ARL15: variants seen among roughly 807,000 people sequenced by gnomAD.
The protein encoded by ARL15 is ADP-ribosylation factor-like protein 15.
Under a neutral mutation model 25.2 loss-of-function variants are expected in ARL15, and 19 were observed. That is an observed-to-expected ratio of 0.75 (90% CI 0.53 to 1.10). The LOEUF (loss-of-function observed/expected upper bound fraction) is 1.10, where lower values mean the gene tolerates loss of function less well. ARL15 is among the 50% of genes least tolerant of loss of function. The pLI, the probability that ARL15 is intolerant of heterozygous loss-of-function variation, is 0.00. For missense variants in ARL15, 220 were observed against 246.0 expected (o/e 0.89, Z 0.71); for synonymous variants, 94 against 86.8 (o/e 1.08, Z -0.46).
At chr5:54,099,703 C>T (rs1024952910) in intron 4 of ARL15, among the ~76,000 whole-genome samples, 1 of 152,060 alleles carries the variant, frequency 6.6e-6, no homozygotes, top group African/African-American at 2.4e-5. Context: ...CTCAAAACAA[C>T]CCTGTCAGGA....
At chr5:53,969,115 C>T (rs1747657920) in intron 4 of ARL15, among the ~76,000 whole-genome samples, 1 of 152,098 alleles carries the variant, frequency 6.6e-6, no homozygotes, top group Admixed American at 6.5e-5. Flanking sequence ...CGCGCCACTA[C>T]ACTCCAACCT....
At chr5:54,060,184 C>T (rs1434233827) in intron 4 of ARL15, among the ~76,000 whole-genome samples, 1 of 149,250 alleles carries the variant, frequency 6.7e-6, no homozygotes, top group Non-Finnish European at 1.5e-5. Context: ...CCTGTAATCC[C>T]AGCACTTTGG....
At chr5:53,889,035 C>G (rs1744632463) in intron 4 of ARL15, among the ~76,000 whole-genome samples, 2 of 152,000 alleles carry the variant, frequency 1.3e-5, no homozygotes, top group Admixed American at 1.3e-4. Flanking sequence ...GAAGTTGTGT[C>G]CCTGATACAT....
intron 3 of ARL15, among the ~76,000 whole-genome samples, chr5:54,145,672 T>C (rs1349677811): frequency 1.4e-4 from 22 of 152,056 alleles, no homozygotes; most frequent in Admixed American, 1.4e-3. Context: ...ATGGCAGGGA[T>C]TGCATCCTCA....
chr5:54,156,249 T>G (rs1205192405), intron 2 of ARL15, among the ~76,000 whole-genome samples: 1 of 152,210 alleles, frequency 6.6e-6, no homozygotes, highest in Non-Finnish European at 1.5e-5. Context: ...AGAACTGACT[T>G]TGGAGTCAGA....
chr5:54,061,134 G>A (rs1751049806), intron 4 of ARL15, among the ~76,000 whole-genome samples: 4 of 152,148 alleles, frequency 2.6e-5, no homozygotes, highest in Admixed American at 2.6e-4. Flanking sequence ...TGGTTTCGTG[G>A]GCCAGGCCCA....
At chr5:54,022,496 A>G (rs757827371) in intron 4 of ARL15, among the ~76,000 whole-genome samples, 5 of 152,146 alleles carry the variant, frequency 3.3e-5, no homozygotes, top group Non-Finnish European at 5.9e-5. Context: ...AACAGAGAAG[A>G]TTAGCTCACA....
At chr5:53,998,681 A>G (rs1259600268) in intron 4 of ARL15, among the ~76,000 whole-genome samples, 1 of 152,200 alleles carries the variant, frequency 6.6e-6, no homozygotes, top group Non-Finnish European at 1.5e-5. Flanking sequence ...GAGGTGGGAG[A>G]GAAGCCGTTC....
intron 4 of ARL15, among the ~76,000 whole-genome samples, chr5:53,952,722 T>C (rs535290433): frequency 1.3e-5 from 2 of 152,294 alleles, no homozygotes; most frequent in African/African-American, 4.8e-5. Flanking sequence ...TGAAACTCTG[T>C]TATTGTGCCA....
chr5:53,884,374 C>T lies in ARL15; in HGVS notation c.*2187G>A, dbSNP rs1234226855. 1 of 137,430 alleles carries T rather than the reference C, an allele frequency of 7.3e-6. No homozygotes were observed. The highest frequency in any genetic ancestry group is 1.6e-5 in the Non-Finnish European group (1 of 63,504). 8.5% of individuals were successfully genotyped at this position (137,430 alleles called of 1,614,324 possible). On this transcript the variant is annotated 3_prime_UTR_variant, in exon 5 of 5. Transcript: ENST00000504924. The stretch of plus-strand genomic sequence containing the variant: ...CCCAGCCATCCCACCCACCCCACCA[C>T]CCACCCACCCATCCCCACCCGTTCA...
intron 1 of ARL15, among the ~76,000 whole-genome samples, chr5:54,301,429 A>C (rs548139320): frequency 1.3e-5 from 2 of 152,294 alleles, no homozygotes; most frequent in African/African-American, 4.8e-5. Flanking sequence ...GATAGTGGTC[A>C]CCACTGAGAA....
intron 1 of ARL15, among the ~76,000 whole-genome samples, chr5:54,202,467 G>A (rs1755751249): frequency 6.6e-6 from 1 of 152,118 alleles, no homozygotes; most frequent in Non-Finnish European, 1.5e-5. Flanking sequence ...AAAATGAAAA[G>A]GGGCCAATAG....
chr5:54,230,778 C>G lies in ARL15; in HGVS notation c.49-58850G>C, dbSNP rs1756650872. 2.6e-5 allele frequency among the ~76,000 whole-genome samples: 4 copies of G among 152,114 alleles called. No homozygotes were observed. The South Asian group carries it at 6.2e-4, about 24-fold the overall frequency. ...CATCCAGCATTTTCCCTTAGAGATC[C>G]CAGTATAATAAATTACTCAAATATG... On this transcript the variant is annotated intron_variant, in intron 1 of 4. Transcript: ENST00000504924.
intron 4 of ARL15, among the ~76,000 whole-genome samples, chr5:54,009,494 A>G (rs1749162903): frequency 6.6e-6 from 1 of 152,200 alleles, no homozygotes. Flanking sequence ...GCTTTGTATT[A>G]CATTTGCTAG....
At chr5:54,275,442 G>T (rs1757903015) in intron 1 of ARL15, among the ~76,000 whole-genome samples, 1 of 152,258 alleles carries the variant, frequency 6.6e-6, no homozygotes, top group Non-Finnish European at 1.5e-5. Context: ...GAGGGCAAGT[G>T]ATGTCTGTGA....
intron 4 of ARL15, among the ~76,000 whole-genome samples, chr5:54,074,122 T>C (rs1751508161): frequency 6.6e-6 from 1 of 152,196 alleles, no homozygotes; most frequent in African/African-American, 2.4e-5. Flanking sequence ...TTGACTAGCA[T>C]CTTTACTATA....
At chr5:54,206,064 C>T (rs1370432587) in intron 1 of ARL15, among the ~76,000 whole-genome samples, 2 of 151,926 alleles carry the variant, frequency 1.3e-5, no homozygotes, top group Non-Finnish European at 2.9e-5. Context: ...GAGAACTGGA[C>T]AGGAAAAACA....
chr5:54,199,599 A>G (rs1484517968), intron 1 of ARL15, among the ~76,000 whole-genome samples: 1 of 151,694 alleles, frequency 6.6e-6, no homozygotes, highest in Non-Finnish European at 1.5e-5. Context: ...ATGAGATATC[A>G]TCTCACACCA....
chr5:54,052,814 A>C (rs1429778691), intron 4 of ARL15, among the ~76,000 whole-genome samples: 2 of 152,164 alleles, frequency 1.3e-5, no homozygotes, highest in Non-Finnish European at 2.9e-5. Context: ...ATAATACCCC[A>C]GTGGCACACA....
Sources: allele counts gnomAD v4.1 joint callset (sites outside exome capture counted in the v4.1 genomes callset), GRCh38; gene constraint gnomAD v4.1.1; transcripts MANE v1.5; gene names NCBI Gene and HGNC (gene_info 2026-07-23, HGNC 2026-07-21).